The following AGAP1 variants were observed in gnomAD, a reference collection of about 807,000 sequenced individuals.
The protein encoded by AGAP1 is arf-GAP with GTPase, ANK repeat and PH domain-containing protein 1.
AGAP1 carries 29 observed loss-of-function variants against 105.3 expected under a neutral mutation model. The observed-to-expected ratio is 0.28, with a 90% CI of 0.21 to 0.38. The LOEUF (loss-of-function observed/expected upper bound fraction) is 0.38. AGAP1 is among the 10% of genes least tolerant of loss of function. The probability of loss-of-function intolerance (pLI) is 1.00; values close to 1 mark genes in which losing one functional copy is unlikely to be tolerated. For synonymous variants in AGAP1, 509 were observed against 485.9 expected (o/e 1.05, Z -0.63); for missense variants, 998 against 1,165.1 (o/e 0.86, Z 2.09).
In AGAP1 at chr2:235,581,573, A is replaced by G. The variant is rs144756121; in HGVS notation, c.163+86724A>G. ...TGTAATCCCACACTTTGGGAGGCCAAAGCAGGCAGATTGCCTGAACTCAGG... is the reference window on the plus strand; with the variant it reads ...TGTAATCCCACACTTTGGGAGGCCAGAGCAGGCAGATTGCCTGAACTCAGG... On this transcript the variant is annotated intron_variant, in intron 1 of 17. Coordinates refer to ENST00000304032, the MANE Select transcript of AGAP1 (RefSeq NM_001037131.3). Among the ~76,000 whole-genome samples, 175 of 152,074 alleles carry G rather than the reference A, an allele frequency of 1.2e-3. 1 individual carries two copies. In the East Asian group the frequency reaches 0.031, roughly 27 times the overall value.
chr2:235,572,003 CTT>C (rs374791680), intron 1 of AGAP1, among the ~76,000 whole-genome samples: 26,447 of 92,212 alleles, frequency 0.29, 4,137 homozygotes, highest in Middle Eastern at 0.38. Flanking sequence ...CACACACACA[CTT>C]TTTTTTTTTT....
At chr2:235,802,751 GTGATGGTTGTGGTTGTGA>G (rs1285322005) in intron 8 of AGAP1, among the ~76,000 whole-genome samples, 4 of 108,530 alleles carry the variant, frequency 3.7e-5, no homozygotes, top group African/African-American at 1.4e-4. Flanking sequence ...GATGGTGGTG[GTGATGGTTGTGGTTGTGA>G]TGATGGTTGT....
At chr2:236,037,644 G>A (rs2057423002) in intron 14 of AGAP1, among the ~76,000 whole-genome samples, 1 of 152,156 alleles carries the variant, frequency 6.6e-6, no homozygotes, top group African/African-American at 2.4e-5. Flanking sequence ...TTGGGCTCAA[G>A]CGATCCACCT....
Position 236,056,388 on chromosome 2 carries a change from A to G in AGAP1, c.2114+7107A>G, listed in dbSNP as rs1374204357. Among the ~76,000 whole-genome samples, 1 of 152,192 alleles carries G rather than the reference A, an allele frequency of 6.6e-6. No homozygotes were observed. The highest frequency in any genetic ancestry group is 1.5e-5 in the Non-Finnish European group (1 of 68,040). ...GTTCTGAAATACGGCCGTCGTGACA[A>G]TTAAGGAGTTTCTGATGCTTAAGAA... On this transcript the variant is annotated intron_variant, in intron 16 of 17. Transcript: ENST00000304032. This position sits in a 1 kb window ranked among gnomAD's most constrained non-coding sequence, Gnocchi z 4.6.
At chr2:236,091,141 T>C (rs2059050053) in intron 16 of AGAP1, among the ~76,000 whole-genome samples, 1 of 152,248 alleles carries the variant, frequency 6.6e-6, no homozygotes, top group Non-Finnish European at 1.5e-5. Context: ...TGTTTGCATA[T>C]CTGCACGCAT....
chr2:235,696,999 G>A (rs1950029856), intron 1 of AGAP1, among the ~76,000 whole-genome samples: 1 of 151,928 alleles, frequency 6.6e-6, no homozygotes, highest in Non-Finnish European at 1.5e-5. Context: ...AAAAAAAAGA[G>A]AAGTATCCTA....
Position 235,882,350 on chromosome 2 carries a change from T to C in AGAP1, c.1051-995T>C. The C allele has an allele frequency of 7.8e-7, 1 of 1,277,146 alleles. No individual in the cohort carries two copies. Among genetic ancestry groups the C allele is most frequent in the Non-Finnish European group, 1.1e-6 (1 of 903,964 alleles). 79.1% of individuals were successfully genotyped at this position (1,277,146 alleles called of 1,614,324 possible). A position where few individuals can be genotyped will look rare whatever the true frequency, so the allele number is the denominator to read the frequency against. On this transcript the variant is annotated intron_variant, in intron 9 of 17. Coordinates refer to ENST00000304032, the MANE Select transcript of AGAP1 (RefSeq NM_001037131.3). The surrounding 1 kb of genome is among the most constrained non-coding windows in gnomAD (Gnocchi z 4.6). ...TCTTAAGGATGACGAGGGCAGGAAA[T>C]CCTCCGGGCTCTTAGGAAATTTCAC...
intron 13 of AGAP1, among the ~76,000 whole-genome samples, chr2:236,007,934 G>A (rs560398831): frequency 3.2e-4 from 48 of 152,234 alleles, no homozygotes; most frequent in Non-Finnish European, 5.7e-4. Flanking sequence ...ACACACAATT[G>A]TGTGACCACC....
In AGAP1 at chr2:236,124,576, C is replaced by T. The variant is rs1227936505; in HGVS notation, c.*454C>T. 9.8e-6 allele frequency: 2 copies of T among 203,618 alleles called. No individual in the cohort carries two copies. Among genetic ancestry groups the T allele is most frequent in the Admixed American group, 5.3e-5 (1 of 19,026 alleles). 12.6% of individuals were successfully genotyped at this position (203,618 alleles called of 1,614,324 possible). On this transcript the variant is annotated 3_prime_UTR_variant, in exon 18 of 18. Coordinates refer to ENST00000304032, the MANE Select transcript of AGAP1 (RefSeq NM_001037131.3). This position sits in a 1 kb window ranked among gnomAD's most constrained non-coding sequence, Gnocchi z 5.1. ...TCCATCTCTTCTCTGAGGAGCTCGACGGCATAAATCAGAAGCAAGCACAGA... is the reference window on the plus strand; with the variant it reads ...TCCATCTCTTCTCTGAGGAGCTCGATGGCATAAATCAGAAGCAAGCACAGA...
intron 6 of AGAP1, among the ~76,000 whole-genome samples, chr2:235,771,999 C>CCTTTTTTT (rs1955495829): frequency 7.4e-6 from 1 of 135,108 alleles, no homozygotes; most frequent in Admixed American, 7.5e-5. Context: ...CTTTTCTTAT[C>CCTTTTTTT]TTTTTTTTTT....
At chr2:235,499,206 C>G (rs2148997317) in intron 1 of AGAP1, among the ~76,000 whole-genome samples, 2 of 152,308 alleles carry the variant, frequency 1.3e-5, no homozygotes, top group South Asian at 4.1e-4. Flanking sequence ...TCATACTTCC[C>G]ATAGGCCGTG....
chr2:235,885,328 G>A (rs941259838), intron 10 of AGAP1, among the ~76,000 whole-genome samples: 2 of 152,104 alleles, frequency 1.3e-5, no homozygotes, highest in African/African-American at 4.8e-5. Context: ...GTGTGGATGT[G>A]CCTTCATTGA....
intron 1 of AGAP1, among the ~76,000 whole-genome samples, chr2:235,686,919 C>T (rs1216789296): frequency 1.3e-5 from 2 of 151,492 alleles, no homozygotes; most frequent in Admixed American, 1.3e-4. Flanking sequence ...CTGTCTCTGC[C>T]TCCCAAATGT....
chr2:235,563,195 GC>G (rs1944221536), intron 1 of AGAP1, among the ~76,000 whole-genome samples: 1 of 152,138 alleles, frequency 6.6e-6, no homozygotes, highest in African/African-American at 2.4e-5. Context: ...CTCATGCCTC[GC>G]ACCCTCCGAG....
chr2:235,755,012 G>T (rs1953797822), intron 6 of AGAP1, among the ~76,000 whole-genome samples: 1 of 152,186 alleles, frequency 6.6e-6, no homozygotes, highest in Non-Finnish European at 1.5e-5. Context: ...GATGGTTTCT[G>T]CTTGACCTGG....
chr2:235,558,757 C>T (rs561700664), intron 1 of AGAP1, among the ~76,000 whole-genome samples: 15 of 152,246 alleles, frequency 9.9e-5, no homozygotes, highest in African/African-American at 3.4e-4. Context: ...ACAATAATGC[C>T]GTTATGCCCT....
chr2:236,015,906 T>C (rs2056685292), intron 13 of AGAP1, among the ~76,000 whole-genome samples: 1 of 152,240 alleles, frequency 6.6e-6, no homozygotes, highest in Admixed American at 6.5e-5. Flanking sequence ...AATTGCACGT[T>C]ATTTCTGTAA....
intron 1 of AGAP1, among the ~76,000 whole-genome samples, chr2:235,628,107 C>T (rs1275218060): frequency 1.7e-4 from 26 of 152,236 alleles, no homozygotes; most frequent in Non-Finnish European, 4.4e-5. Flanking sequence ...GAAGGGGGAG[C>T]ACTAGAGCCC....
At chr2:235,779,583 C>T (rs1173761151) in intron 6 of AGAP1, among the ~76,000 whole-genome samples, 1 of 152,174 alleles carries the variant, frequency 6.6e-6, no homozygotes, top group Admixed American at 6.5e-5. Context: ...CCAAGCTGCT[C>T]CTTGGAAAAG....
Sources: gnomAD v4.1 joint callset for allele counts (sites outside exome capture counted in the v4.1 genomes callset) on GRCh38, gnomAD v4.1.1 for gene constraint, Gnocchi (gnomAD v3.1) non-coding constraint, MANE v1.5 for transcripts, NCBI Gene and HGNC (gene_info 2026-07-23, HGNC 2026-07-21) for gene names.